The following ITCH variants were observed in gnomAD, a reference collection of about 807,000 sequenced individuals.
The protein encoded by ITCH is itchy E3 ubiquitin protein ligase.
In ITCH, 28 loss-of-function variants were observed where a neutral mutation model predicts 126.8. That is an observed-to-expected ratio of 0.22 (90% CI 0.16 to 0.30). ITCH has a LOEUF of 0.30. Ranked by LOEUF, ITCH falls within the 10% of genes least tolerant of loss-of-function variation. ITCH has a pLI of 1.00. For missense variants in ITCH, 631 were observed against 1,032.4 expected (o/e 0.61, Z 5.33); for synonymous variants, 342 against 340.0 (o/e 1.01, Z -0.06).
At chr20:34,387,550 C>G (rs1350313796) in intron 2 of ITCH, among the ~76,000 whole-genome samples, 1 of 151,012 alleles carries the variant, frequency 6.6e-6, no homozygotes, top group Non-Finnish European at 1.5e-5. Flanking sequence ...AGGATTGTTT[C>G]AGCCCAGGTG....
chr20:34,398,678 G>A (rs541958093), intron 3 of ITCH, among the ~76,000 whole-genome samples: 177 of 152,178 alleles, frequency 1.2e-3, no homozygotes, highest in African/African-American at 4.0e-3. Context: ...GGATTACAGC[G>A]TGAGCCACCG....
intron 2 of ITCH, among the ~76,000 whole-genome samples, chr20:34,387,103 G>A (rs1158615063): frequency 2.0e-5 from 3 of 151,212 alleles, no homozygotes; most frequent in Non-Finnish European, 4.4e-5. Context: ...AGGCATTCGA[G>A]ACCAGCCTGG....
At chr20:34,448,732 C>T (rs1984776595) in intron 11 of ITCH, among the ~76,000 whole-genome samples, 1 of 152,160 alleles carries the variant, frequency 6.6e-6, no homozygotes. Flanking sequence ...TAAATCAAAA[C>T]AGACTTAATA....
intron 16 of ITCH, among the ~76,000 whole-genome samples, chr20:34,477,102 G>A (rs577918158): frequency 6.6e-6 from 1 of 152,110 alleles, no homozygotes; most frequent in Admixed American, 6.6e-5. Flanking sequence ...TAGCTGTTAC[G>A]TGTACCTTTG....
intron 2 of ITCH, among the ~76,000 whole-genome samples, chr20:34,371,187 C>A (rs1304720034): frequency 1.5e-4 from 22 of 142,952 alleles, no homozygotes; most frequent in Middle Eastern, 3.6e-3. Flanking sequence ...AAAAAAAAAA[C>A]TGAATAGGAA....
intron 23 of ITCH, among the ~76,000 whole-genome samples, chr20:34,501,795 G>T (rs1395477254): frequency 8.2e-6 from 1 of 121,664 alleles, no homozygotes. Context: ...AAAAAAAAAA[G>T]ACAAGTAGTA....
intron 2 of ITCH, among the ~76,000 whole-genome samples, chr20:34,379,517 C>G (rs915272481): frequency 1.3e-5 from 2 of 151,802 alleles, no homozygotes; most frequent in Non-Finnish European, 2.9e-5. Context: ...CTGGTAACTA[C>G]TATTCTGTTT....
In ITCH at chr20:34,470,138, A is replaced by G. The variant is rs1987477775; in HGVS notation, c.1497+18A>G. The G allele has an allele frequency of 1.9e-6, 3 of 1,582,454 alleles. No individual in the cohort carries two copies. Among genetic ancestry groups the G allele is most frequent in the Non-Finnish European group, 8.7e-7 (1 of 1,155,404 alleles). ...GGTGTCAGGTTAGTATTGGAACTGT[A>G]TCTCTGTACTGCCTTAACTTTGTTG... On this transcript the variant is annotated intron_variant, in intron 15 of 24. Transcript: ENST00000374864.
At chr20:34,396,357 AC>A (rs1211435534) in intron 3 of ITCH, among the ~76,000 whole-genome samples, 1 of 151,788 alleles carries the variant, frequency 6.6e-6, no homozygotes, top group African/African-American at 2.4e-5. Context: ...AAGCAGCTGC[AC>A]CGTTTTGCAT....
intron 2 of ITCH, among the ~76,000 whole-genome samples, chr20:34,387,606 C>T (rs536231621): frequency 4.5e-4 from 66 of 145,856 alleles, no homozygotes; most frequent in African/African-American, 1.3e-3. Flanking sequence ...GGCAACAGAG[C>T]GAGACCCTGT....
chr20:34,449,619 A>G (rs989350583), intron 12 of ITCH, 139 bp downstream of exon 12: 3 of 648,846 alleles, frequency 4.6e-6, no homozygotes, highest in African/African-American at 1.8e-5. Context: ...TTTTTAATAT[A>G]TATATCAGTT....
At chr20:34,474,341 T>A (rs1206224328) in intron 16 of ITCH, among the ~76,000 whole-genome samples, 1 of 152,190 alleles carries the variant, frequency 6.6e-6, no homozygotes, top group Non-Finnish European at 1.5e-5. Context: ...CCTGGGTACT[T>A]GAGATTAGGG....
intron 6 of ITCH, among the ~76,000 whole-genome samples, chr20:34,419,265 C>T (rs1980409305): frequency 6.6e-6 from 1 of 152,062 alleles, no homozygotes; most frequent in African/African-American, 2.4e-5. Context: ...ATGAGCATCC[C>T]TGAAACTATC....
chr20:34,433,672 A>AC (rs1311513083), intron 7 of ITCH, among the ~76,000 whole-genome samples: 2 of 150,906 alleles, frequency 1.3e-5, no homozygotes, highest in Admixed American at 6.6e-5. Flanking sequence ...AAAAAAAAAA[A>AC]CCCAAAAAGA....
intron 7 of ITCH, among the ~76,000 whole-genome samples, chr20:34,429,064 A>G (rs1981938555): frequency 6.6e-6 from 1 of 152,052 alleles, no homozygotes; most frequent in African/African-American, 2.4e-5. Flanking sequence ...CAGCCTTTCA[A>G]GTAGCTGGGA....
At chr20:34,442,403 G>A in intron 10 of ITCH, 100 bp downstream of exon 10, 1 of 864,842 alleles carries the variant, frequency 1.2e-6, no homozygotes, top group Non-Finnish European at 1.9e-6. Flanking sequence ...TTTCTTGTCA[G>A]CCCTTTCTCT....
At chr20:34,440,633 T>C (rs886676278) in intron 9 of ITCH, among the ~76,000 whole-genome samples, 1 of 151,980 alleles carries the variant, frequency 6.6e-6, no homozygotes, top group East Asian at 1.9e-4. Context: ...ATTTTTGTAT[T>C]TTTAGTAGGG....
At chr20:34,416,825 T>C (rs1979924970) in intron 6 of ITCH, among the ~76,000 whole-genome samples, 1 of 152,098 alleles carries the variant, frequency 6.6e-6, no homozygotes, top group African/African-American at 2.4e-5. Context: ...TTACATAATT[T>C]GTTATGGTGT....
intron 21 of ITCH, 127 bp from the exon 22 acceptor site, chr20:34,489,695 T>G: frequency 1.3e-6 from 1 of 755,428 alleles, no homozygotes; most frequent in Non-Finnish European, 2.4e-6. Context: ...TAATTCTTGA[T>G]GTATAGTTGA....
Sources: gnomAD v4.1 joint callset for allele counts (sites outside exome capture counted in the v4.1 genomes callset) on GRCh38, gnomAD v4.1.1 for gene constraint, MANE v1.5 for transcripts, NCBI Gene and HGNC (gene_info 2026-07-23, HGNC 2026-07-21) for gene names.